Variants in LRMDA observed in about 807,000 individuals in gnomAD.
LRMDA encodes the protein leucine-rich melanocyte differentiation-associated protein.
A neutral mutation model predicts 29.8 loss-of-function variants in LRMDA; 18 were observed. The ratio of observed to expected loss-of-function variants is 0.60; its 90% CI spans 0.42 to 0.90. LRMDA has a LOEUF of 0.90. Among genes scored for constraint, LRMDA ranks in the 40% least tolerant of loss-of-function variants. The probability of loss-of-function intolerance (pLI) is 0.00; values close to 1 mark genes in which losing one functional copy is unlikely to be tolerated. For synonymous variants in LRMDA, 125 were observed against 109.4 expected (o/e 1.14, Z -0.89); for missense variants, 273 against 273.9 (o/e 1.00, Z 0.02).
intron 2 of LRMDA, among the ~76,000 whole-genome samples, chr10:75,515,071 C>G (rs1845274276): frequency 6.6e-6 from 1 of 152,156 alleles, no homozygotes; most frequent in African/African-American, 2.4e-5. Flanking sequence ...AGTGTTGATA[C>G]ATGCTACAGT....
intron 6 of LRMDA, among the ~76,000 whole-genome samples, chr10:76,352,221 CCTAT>C (rs1379905188): frequency 6.6e-6 from 1 of 151,970 alleles, no homozygotes; most frequent in East Asian, 1.9e-4. Context: ...AGTACTGAAC[CCTAT>C]GTATACTGTA....
intron 6 of LRMDA, among the ~76,000 whole-genome samples, chr10:76,504,123 T>C (rs889075253): frequency 2.6e-4 from 40 of 152,008 alleles, no homozygotes; most frequent in Admixed American, 2.2e-3. Flanking sequence ...TTAATTTCTC[T>C]GTATTTGTAT....
At chr10:76,006,331 C>T (rs1011406844) in intron 2 of LRMDA, among the ~76,000 whole-genome samples, 3 of 152,134 alleles carry the variant, frequency 2.0e-5, no homozygotes, top group African/African-American at 7.2e-5. Flanking sequence ...GCCTGAGCTC[C>T]GCTGAGCAAA....
rs1313709060 is a variant in LRMDA at position 76,363,254 on chromosome 10, A to AAGGAAG, written c.601+38769_601+38770insAGGAAG. Among the ~76,000 whole-genome samples, 2 of 46,448 alleles carry AAGGAAG rather than the reference A, an allele frequency of 4.3e-5. 1 individual carries two copies. Among genetic ancestry groups the AAGGAAG allele is most frequent in the Non-Finnish European group, 8.1e-5 (2 of 24,670 alleles). The allele number at this position is 46,448 out of a possible 152,430, so 30.5% of individuals were successfully genotyped here. On this transcript the variant is annotated intron_variant, in intron 6 of 6. Transcript: ENST00000611255. ...AAGAAAGAAAGAAAGAAAGAAAGAA[A>AAGGAAG]GAAGGAAGGAAGGAAGGAAGGAAAG... is the stretch of plus-strand genomic sequence containing the variant.
intron 5 of LRMDA, among the ~76,000 whole-genome samples, chr10:76,110,207 A>G (rs1849554959): frequency 6.6e-6 from 1 of 152,232 alleles, no homozygotes; most frequent in South Asian, 2.1e-4. Context: ...TATGCAAGTC[A>G]GAAGCTTGAG....
At chr10:76,103,852 C>T (rs1341651011) in intron 5 of LRMDA, among the ~76,000 whole-genome samples, 1 of 151,900 alleles carries the variant, frequency 6.6e-6, no homozygotes, top group African/African-American at 2.4e-5. Context: ...AGTTCAAGAC[C>T]AGCCTGGCCA....
At chr10:75,527,340 A>T (rs182626282) in intron 2 of LRMDA, among the ~76,000 whole-genome samples, 1 of 152,306 alleles carries the variant, frequency 6.6e-6, no homozygotes, top group East Asian at 1.9e-4. Flanking sequence ...GAATAATGCT[A>T]CTGTGAACAT....
chr10:75,919,016 T>A (rs1845982113), intron 2 of LRMDA, among the ~76,000 whole-genome samples: 1 of 152,172 alleles, frequency 6.6e-6, no homozygotes, highest in Non-Finnish European at 1.5e-5. Flanking sequence ...AGGCGTGATT[T>A]TGTGGGCTTT....
chr10:76,441,666 C>G (rs1347455149), intron 6 of LRMDA, among the ~76,000 whole-genome samples: 1 of 152,164 alleles, frequency 6.6e-6, no homozygotes, highest in African/African-American at 2.4e-5. Flanking sequence ...CAGCCCCCAT[C>G]CAGCAGGATG....
chr10:75,598,709 C>T (rs1589198020), intron 2 of LRMDA, among the ~76,000 whole-genome samples: 1 of 152,204 alleles, frequency 6.6e-6, no homozygotes, highest in African/African-American at 2.4e-5. Flanking sequence ...TAACTCCTTT[C>T]GTTCTCCTCC....
At position 76,070,484 on chromosome 10, in the gene LRMDA, G is replaced by A. The variant is rs187189408; in HGVS notation, c.516+11701G>A. Among the ~76,000 whole-genome samples the A allele has an allele frequency of 2.0e-3, 302 of 152,262 alleles. 4 individuals carry two copies. Among genetic ancestry groups the A allele is most frequent in the African/African-American group, 7.1e-3 (294 of 41,556 alleles). ...TGGTGGAGAAAGTAAAGAAAGAGAA[G>A]GAGATCTCTCCGTCTTCTGATGAAA... On this transcript the variant is annotated intron_variant, in intron 5 of 6. Transcript: ENST00000611255.
intron 6 of LRMDA, among the ~76,000 whole-genome samples, chr10:76,419,534 G>T (rs1472993589): frequency 6.6e-6 from 1 of 152,024 alleles, no homozygotes; most frequent in African/African-American, 2.4e-5. Context: ...AAACATCTGT[G>T]TGCAGGTTTT....
At chr10:75,590,894 C>T (rs1437096697) in intron 2 of LRMDA, among the ~76,000 whole-genome samples, 5 of 151,586 alleles carry the variant, frequency 3.3e-5, no homozygotes, top group Admixed American at 1.3e-4. Flanking sequence ...TACAGGTGTG[C>T]ACCACCACAC....
intron 6 of LRMDA, among the ~76,000 whole-genome samples, chr10:76,434,521 T>C (rs1433872192): frequency 6.6e-6 from 1 of 152,160 alleles, no homozygotes; most frequent in Non-Finnish European, 1.5e-5. Context: ...TATCACCACT[T>C]AGCTAACCCA....
intron 2 of LRMDA, among the ~76,000 whole-genome samples, chr10:75,516,294 T>G (rs1203113685): frequency 2.6e-5 from 4 of 152,220 alleles, no homozygotes; most frequent in Admixed American, 2.6e-4. Context: ...TCTTCCACAA[T>G]GGTTCAACTA....
chr10:76,053,759 A>G (rs1200919253), intron 4 of LRMDA, among the ~76,000 whole-genome samples: 1 of 152,214 alleles, frequency 6.6e-6, no homozygotes, highest in Non-Finnish European at 1.5e-5. Flanking sequence ...AGCCCTTAGC[A>G]GAACTGGAAG....
At chr10:75,553,710 C>T (rs924715871) in intron 2 of LRMDA, among the ~76,000 whole-genome samples, 8 of 152,134 alleles carry the variant, frequency 5.3e-5, no homozygotes, top group African/African-American at 1.4e-4. Context: ...TTAGTTAAAG[C>T]GCACCTTTTA....
intron 5 of LRMDA, among the ~76,000 whole-genome samples, chr10:76,248,040 G>A (rs898312795): frequency 1.2e-4 from 19 of 152,140 alleles, no homozygotes; most frequent in Admixed American, 7.9e-4. Flanking sequence ...GAATCCAGCC[G>A]TCTTCATTGG....
intron 2 of LRMDA, among the ~76,000 whole-genome samples, chr10:75,702,591 C>A (rs960908657): frequency 6.6e-6 from 1 of 152,122 alleles, no homozygotes; most frequent in African/African-American, 2.4e-5. Context: ...ATAGATCATA[C>A]ATCAGTTGGC....
Sources: gnomAD v4.1 joint callset for allele counts (sites outside exome capture counted in the v4.1 genomes callset) on GRCh38, gnomAD v4.1.1 for gene constraint, MANE v1.5 for transcripts, NCBI Gene and HGNC (gene_info 2026-07-23, HGNC 2026-07-21) for gene names.